RALYL: variants seen among roughly 807,000 people sequenced by gnomAD.
RALYL encodes the protein RALY RNA binding protein like.
In RALYL, 29 loss-of-function variants were observed where a neutral mutation model predicts 35.1. The ratio of observed to expected loss-of-function variants is 0.83; its 90% CI spans 0.61 to 1.13. The LOEUF (loss-of-function observed/expected upper bound fraction) is 1.13, where lower values mean the gene tolerates loss of function less well. Ranked by LOEUF, RALYL falls within the 50% of genes most tolerant of loss-of-function variation. The pLI is 0.00. For synonymous variants in RALYL, 120 were observed against 127.6 expected, an observed-to-expected ratio of 0.94 and a Z score of 0.40; for missense variants, 359 against 360.4, an observed-to-expected ratio of 1.00 and a Z score of 0.03.
intron 2 of RALYL, among the ~76,000 whole-genome samples, chr8:84,683,515 T>G (rs915300229): frequency 6.6e-6 from 1 of 152,184 alleles, no homozygotes; most frequent in Non-Finnish European, 1.5e-5. Context: ...GCTTTATGAA[T>G]CTGGGTGCTC....
chr8:84,613,885 A>G (rs1309815689), intron 2 of RALYL, among the ~76,000 whole-genome samples: 1 of 149,108 alleles, frequency 6.7e-6, no homozygotes, highest in Non-Finnish European at 1.5e-5. Flanking sequence ...TATATATAAT[A>G]CACAAATCTT....
intron 8 of RALYL, among the ~76,000 whole-genome samples, chr8:84,905,748 G>C (rs1846385837): frequency 6.8e-6 from 1 of 147,572 alleles, no homozygotes. Flanking sequence ...CCAGGATGGA[G>C]TGCAATGGTG....
intron 2 of RALYL, among the ~76,000 whole-genome samples, chr8:84,533,944 C>A (rs2059432716): frequency 6.6e-6 from 1 of 152,206 alleles, no homozygotes; most frequent in Admixed American, 6.5e-5. Context: ...CAATGGATTT[C>A]AAATGTCTTT....
At chr8:84,334,294 A>G (rs1388216297) in intron 1 of RALYL, among the ~76,000 whole-genome samples, 2 of 152,166 alleles carry the variant, frequency 1.3e-5, no homozygotes, top group African/African-American at 4.8e-5. Flanking sequence ...ATGTACTGAC[A>G]GGTAAAAAGT....
intron 2 of RALYL, among the ~76,000 whole-genome samples, chr8:84,536,905 G>A (rs992952315): frequency 2.0e-5 from 3 of 151,976 alleles, no homozygotes; most frequent in African/African-American, 4.8e-5. Flanking sequence ...GTAAATCTTG[G>A]AATTTTTCTT....
At chr8:84,273,719 T>C (rs1031324548) in intron 1 of RALYL, among the ~76,000 whole-genome samples, 1 of 152,238 alleles carries the variant, frequency 6.6e-6, no homozygotes, top group Non-Finnish European at 1.5e-5. Flanking sequence ...GAATTAAATA[T>C]AGATGTAAGA....
At position 84,310,844 on chromosome 8, in the gene RALYL, G is replaced by A. The variant is rs551760993; in HGVS notation, c.-24+126420G>A. Among the ~76,000 whole-genome samples, 10 of 137,624 alleles carry A rather than the reference G, an allele frequency of 7.3e-5. 1 individual carries two copies. Among genetic ancestry groups the A allele is most frequent in the African/African-American group, 2.6e-4 (9 of 34,748 alleles). 90.3% of individuals were successfully genotyped at this position (137,624 alleles called of 152,430 possible). A position where few individuals can be genotyped will look rare whatever the true frequency, so the allele number is the denominator to read the frequency against. ...GGGTGGATCATGAGGTCAGGAGATC[G>A]AGACCGTCCTGGCTAACAAGGTGAA... On this transcript the variant is annotated intron_variant, in intron 1 of 8. Transcript: ENST00000521268.
At chr8:84,811,624 A>T (rs1825930752) in intron 4 of RALYL, among the ~76,000 whole-genome samples, 1 of 152,082 alleles carries the variant, frequency 6.6e-6, no homozygotes, top group Admixed American at 6.5e-5. Flanking sequence ...ATACTTTTAG[A>T]TTTCTCTTCT....
chr8:84,455,461 A>G (rs1415665883), intron 1 of RALYL, among the ~76,000 whole-genome samples: 1 of 152,042 alleles, frequency 6.6e-6, no homozygotes, highest in African/African-American at 2.4e-5. Flanking sequence ...ATTTTCCAAA[A>G]GTACTGAGTT....
At chr8:84,396,625 A>G (rs1024188326) in intron 1 of RALYL, among the ~76,000 whole-genome samples, 2 of 152,126 alleles carry the variant, frequency 1.3e-5, no homozygotes, top group African/African-American at 2.4e-5. Context: ...AAGAAAATTA[A>G]TGAAAATTCC....
intron 2 of RALYL, among the ~76,000 whole-genome samples, chr8:84,685,027 C>G (rs1177004524): frequency 6.6e-6 from 1 of 152,140 alleles, no homozygotes; most frequent in Non-Finnish European, 1.5e-5. Context: ...AGAGAGCAAG[C>G]TCTCTGGTGT....
At chr8:84,299,100 A>C (rs79907500) in intron 1 of RALYL, among the ~76,000 whole-genome samples, 2,759 of 152,012 alleles carry the variant, frequency 0.018, 37 homozygotes, top group South Asian at 0.03. Flanking sequence ...GTTGAATAGG[A>C]GTGGTGAGAG....
At chr8:84,424,802 C>A (rs1254783037) in intron 1 of RALYL, among the ~76,000 whole-genome samples, 2 of 151,998 alleles carry the variant, frequency 1.3e-5, no homozygotes, top group Non-Finnish European at 2.9e-5. Context: ...TGTTGGAATA[C>A]CCTGCTGTGT....
chr8:84,734,082 G>A (rs1436351922), intron 2 of RALYL, among the ~76,000 whole-genome samples: 1 of 152,146 alleles, frequency 6.6e-6, no homozygotes, highest in African/African-American at 2.4e-5. Flanking sequence ...AAAAATGCGT[G>A]ATTTATGCAG....
At chr8:84,754,816 TAAG>T (rs1019170507) in intron 2 of RALYL, among the ~76,000 whole-genome samples, 3 of 152,076 alleles carry the variant, frequency 2.0e-5, no homozygotes, top group Non-Finnish European at 2.9e-5. Flanking sequence ...TAGATGGCAA[TAAG>T]AAGAAGAAGA....
intron 1 of RALYL, among the ~76,000 whole-genome samples, chr8:84,201,697 G>C (rs1816881459): frequency 1.3e-5 from 2 of 151,700 alleles, no homozygotes; most frequent in African/African-American, 4.8e-5. Context: ...CTAGTAGCTG[G>C]GGCTGCAGGT....
intron 1 of RALYL, among the ~76,000 whole-genome samples, chr8:84,362,910 T>C (rs1853381330): frequency 6.6e-6 from 1 of 152,150 alleles, no homozygotes; most frequent in African/African-American, 2.4e-5. Context: ...GGATTTATGA[T>C]TGGGATTAAA....
chr8:84,519,187 G>A (rs1430751466), intron 1 of RALYL, among the ~76,000 whole-genome samples: 2 of 152,110 alleles, frequency 1.3e-5, no homozygotes, highest in African/African-American at 4.8e-5. Flanking sequence ...TTAAGTAACA[G>A]AAGAAGGTGA....
intron 1 of RALYL, among the ~76,000 whole-genome samples, chr8:84,454,524 C>T (rs2133255317): frequency 6.6e-6 from 1 of 152,100 alleles, no homozygotes; most frequent in Non-Finnish European, 1.5e-5. Context: ...TAAATCAACT[C>T]GATTTGTGTT....
Sources: allele counts gnomAD v4.1 joint callset (sites outside exome capture counted in the v4.1 genomes callset), GRCh38; gene constraint gnomAD v4.1.1; transcripts MANE v1.5; gene names NCBI Gene and HGNC (gene_info 2026-07-23, HGNC 2026-07-21).